Variants in SPECC1 observed in about 807,000 individuals in gnomAD.
The protein encoded by SPECC1 is sperm antigen with calponin homology and coiled-coil domains 1, also known as cytospin-B.
In SPECC1, 62 loss-of-function variants were observed where a neutral mutation model predicts 104.1. That is an observed-to-expected ratio of 0.60 (90% confidence interval 0.49 to 0.74). The LOEUF (loss-of-function observed/expected upper bound fraction) is 0.74. Among genes scored for constraint, SPECC1 ranks in the 30% least tolerant of loss-of-function variants. The probability of loss-of-function intolerance (pLI) is 0.00; values close to 1 mark genes in which losing one functional copy is unlikely to be tolerated. For synonymous variants in SPECC1, 513 were observed against 501.6 expected (o/e 1.02, Z -0.30); for missense variants, 1,306 against 1,310.5 (o/e 1.00, Z 0.05).
chr17:20,292,028 C>T (rs909387521), intron 12 of SPECC1, among the ~76,000 whole-genome samples: 5 of 151,562 alleles, frequency 3.3e-5, no homozygotes, highest in Admixed American at 1.3e-4. Flanking sequence ...ATAATGTAAA[C>T]GTCAAAACGG....
intron 4 of SPECC1, 149 bp downstream of exon 4, chr17:20,206,061 C>T (rs1291858270): frequency 1.7e-6 from 2 of 1,169,978 alleles, no homozygotes; most frequent in Non-Finnish European, 2.4e-6. Flanking sequence ...TGTTAGATTG[C>T]ACACAGGTTG....
chr17:20,039,803 C>T (rs955576414), intron 1 of SPECC1, among the ~76,000 whole-genome samples: 4 of 152,100 alleles, frequency 2.6e-5, no homozygotes, highest in Non-Finnish European at 4.4e-5. Context: ...GTGATCCACC[C>T]GCCTTGGCCT....
intron 1 of SPECC1, among the ~76,000 whole-genome samples, chr17:20,010,888 T>A (rs1229744488): frequency 6.6e-6 from 1 of 152,208 alleles, no homozygotes; most frequent in Non-Finnish European, 1.5e-5. Flanking sequence ...CAAGGGTGGG[T>A]GTTGGGTTTT....
At chr17:20,298,606 C>G (rs559406894) in intron 13 of SPECC1, among the ~76,000 whole-genome samples, 23 of 152,208 alleles carry the variant, frequency 1.5e-4, no homozygotes, top group African/African-American at 5.3e-4. Context: ...ACCCACTAAC[C>G]ATGAGGGTGG....
chr17:20,216,284 C>A (rs1370380939), intron 4 of SPECC1, among the ~76,000 whole-genome samples: 1 of 152,088 alleles, frequency 6.6e-6, no homozygotes, highest in East Asian at 1.9e-4. Context: ...CCAAGCACTT[C>A]CTCTTTGCAG....
rs750853453 is a variant in SPECC1, at chr17:20,205,096, C to G, written c.1047C>G (p.Pro349=). ...PSRPLSSTSN[P]FKSSKCSTAG... ...GGCCCCTGTCCTCCACCAGTAACCC[C>G]TTTAAGAGTTCAAAGTGTTCTACTG... Residue 349 remains proline (P), a synonymous_variant, in exon 4 of 15, where the codon CCC becomes CCG. Coordinates refer to ENST00000395527, the MANE Select transcript of SPECC1 (RefSeq NM_001243439.2). 12 of 1,614,070 alleles carry G rather than the reference C, an allele frequency of 7.4e-6. No individual in the cohort carries two copies. In the Admixed American group the frequency reaches 1.0e-4, roughly 13 times the overall value.
At chr17:20,284,195 C>T (rs1433054273) in intron 12 of SPECC1, among the ~76,000 whole-genome samples, 1 of 152,202 alleles carries the variant, frequency 6.6e-6, no homozygotes, top group African/African-American at 2.4e-5. Context: ...TGATGGCCAG[C>T]TCACCAGCTC....
intron 12 of SPECC1, among the ~76,000 whole-genome samples, chr17:20,291,757 C>T (rs1032288999): frequency 1.3e-5 from 2 of 151,996 alleles, no homozygotes; most frequent in East Asian, 1.9e-4. Context: ...GTTGGCCTGT[C>T]CGGTCTCAAA....
Position 20,213,231 on chromosome 17 carries a change from G to A in SPECC1, c.1863+7319G>A, listed in dbSNP as rs369562236. ...TCCCACCTCAGCTTCCCAAGTAGCTGGAATTACAGGTGTGCAACACTATGC... is the reference window on the plus strand; with the variant it reads ...TCCCACCTCAGCTTCCCAAGTAGCTAGAATTACAGGTGTGCAACACTATGC... On this transcript the variant is annotated intron_variant, in intron 4 of 14. Coordinates refer to ENST00000395527, the MANE Select transcript of SPECC1 (RefSeq NM_001243439.2). Among the ~76,000 whole-genome samples the A allele has an allele frequency of 2.4e-4, 36 of 152,132 alleles. No homozygotes were observed. In the East Asian group the frequency reaches 6.8e-3, roughly 29 times the overall value.
chr17:20,255,248 G>A (rs1233097142), intron 10 of SPECC1, among the ~76,000 whole-genome samples: 1 of 152,200 alleles, frequency 6.6e-6, no homozygotes, highest in Non-Finnish European at 1.5e-5. Context: ...AGTGGAGGTA[G>A]AGAAATGAGA....
At chr17:20,153,499 G>C (rs1264140448) in intron 3 of SPECC1, among the ~76,000 whole-genome samples, 1 of 152,224 alleles carries the variant, frequency 6.6e-6, no homozygotes, top group Non-Finnish European at 1.5e-5. Context: ...TAGTAAGTTA[G>C]TTGGGAAGCT....
intron 3 of SPECC1, among the ~76,000 whole-genome samples, chr17:20,171,003 A>T (rs2034047916): frequency 6.6e-6 from 1 of 152,244 alleles, no homozygotes; most frequent in South Asian, 2.1e-4. Context: ...AGGTTACATT[A>T]TAAGCAGTCT....
intron 7 of SPECC1, among the ~76,000 whole-genome samples, chr17:20,244,557 T>G (rs934882568): frequency 4.6e-5 from 7 of 152,162 alleles, no homozygotes; most frequent in Admixed American, 2.6e-4. Context: ...TTTAACTGTT[T>G]TAAGTTCTGT....
At chr17:20,281,630 C>T (rs565569624) in intron 12 of SPECC1, among the ~76,000 whole-genome samples, 2 of 152,332 alleles carry the variant, frequency 1.3e-5, no homozygotes, top group East Asian at 3.9e-4. Flanking sequence ...CACAGGTAAA[C>T]ACTCAGCAAG....
chr17:20,270,289 AT>A (rs1555531459), intron 12 of SPECC1, among the ~76,000 whole-genome samples: 8 of 150,668 alleles, frequency 5.3e-5, no homozygotes, highest in Middle Eastern at 3.4e-3. Flanking sequence ...TTTTACCTTA[AT>A]TTTTTTTAAA....
At chr17:20,267,104 T>C (rs2040242391) in intron 12 of SPECC1, among the ~76,000 whole-genome samples, 1 of 152,146 alleles carries the variant, frequency 6.6e-6, no homozygotes, top group Non-Finnish European at 1.5e-5. Flanking sequence ...CACTACGAAG[T>C]GAGGCCCAGT....
In SPECC1 at chr17:20,102,201, C is replaced by T. The variant is rs191250787; in HGVS notation, c.147+5403C>T. Among the ~76,000 whole-genome samples the T allele has an allele frequency of 3.2e-3, 495 of 152,324 alleles. 3 individuals are homozygous for T. Among genetic ancestry groups the T allele is most frequent in the African/African-American group, 0.011 (471 of 41,578 alleles). On this transcript the variant is annotated intron_variant, in intron 2 of 14. Coordinates refer to ENST00000395527, the MANE Select transcript of SPECC1 (RefSeq NM_001243439.2). ...TTAGTAACTGAGACTGGTAGCTTTCCTTTTGATGTTGCATCCAAAAAGCAG... is the reference window on the plus strand; with the variant it reads ...TTAGTAACTGAGACTGGTAGCTTTCTTTTTGATGTTGCATCCAAAAAGCAG...
chr17:20,285,199 C>T (rs929925861), intron 12 of SPECC1, among the ~76,000 whole-genome samples: 5 of 152,204 alleles, frequency 3.3e-5, no homozygotes, highest in African/African-American at 1.2e-4. Context: ...AATGCGCAGG[C>T]TGTGTGGTTT....
intron 1 of SPECC1, chr17:20,096,115 A>G (rs1227275059): frequency 6.6e-6 from 1 of 152,362 alleles, no homozygotes; most frequent in Non-Finnish European, 1.5e-5. Context: ...CTGACCAATT[A>G]AAATATGCTT....
Sources: allele counts gnomAD v4.1 joint callset (sites outside exome capture counted in the v4.1 genomes callset), GRCh38; gene constraint gnomAD v4.1.1; transcripts MANE v1.5; gene names NCBI Gene and HGNC (gene_info 2026-07-23, HGNC 2026-07-21).